Variants in LTF observed in about 807,000 individuals in gnomAD.
LTF encodes the protein epididymis luminal protein 110.
In LTF, 91 loss-of-function variants were observed where a neutral mutation model predicts 87.2. The observed-to-expected ratio is 1.04, with a 90% CI of 0.88 to 1.24. The LOEUF is 1.24. Among genes scored for constraint, LTF ranks in the 50% most tolerant of loss-of-function variants. The pLI is 0.00. For synonymous variants in LTF, 378 were observed against 356.1 expected (o/e 1.06, Z -0.69); for missense variants, 901 against 904.3 (o/e 1.00, Z 0.05).
chr3:46,482,429 C>A (rs1703443885), intron 1 of LTF, among the ~76,000 whole-genome samples: 1 of 148,876 alleles, frequency 6.7e-6, no homozygotes, highest in East Asian at 2.0e-4. Flanking sequence ...GTGATCACAC[C>A]ATTGAACTCC....
Position 46,443,477 on chromosome 3 carries a change from C to T in LTF, c.1619G>A (p.Ser540Asn), listed in dbSNP as rs193150262. The T allele has an allele frequency of 6.3e-5, 102 of 1,614,096 alleles. No homozygotes were observed. Among genetic ancestry groups the T allele is most frequent in the Admixed American group, 1.0e-4 (6 of 60,012 alleles). ...EQGENKCVPNSNERYYGYTGA... is the reference protein window; with the variant it reads ...EQGENKCVPNNNERYYGYTGA... ...AGTGTAGCCGTAGTATCTCTCGTTGCTGTTGGGCACGCACTTATTCTCACC... is the reference window on the plus strand; with the variant it reads ...AGTGTAGCCGTAGTATCTCTCGTTGTTGTTGGGCACGCACTTATTCTCACC... Residue 540 changes from serine (S) to asparagine (N), a missense_variant, in exon 13 of 17, where the codon AGC becomes AAC. Ser to Asn is a conservative substitution (Grantham distance 46). Coordinates refer to ENST00000231751, the MANE Select transcript of LTF (RefSeq NM_002343.6).
At position 46,450,598 on chromosome 3, in the gene LTF, T is replaced by G. The variant is rs764927306; in HGVS notation, c.779A>C (p.Lys260Thr). 1.5e-5 allele frequency: 25 copies of G among 1,614,082 alleles called. No homozygotes were observed. Among genetic ancestry groups the G allele is most frequent in the African/African-American group, 2.7e-5 (2 of 74,940 alleles). Residue 260 changes from lysine (K) to threonine (T), a missense_variant, in exon 7 of 17, where the codon AAG (lysine) becomes ACG (threonine). By Grantham distance (78) the Lys-to-Thr change is moderately conservative (BLOSUM62 -1). Transcript: ENST00000231751. ...CCGGGCCAGATGGCAGTCTTTGAACTTGTCCACTGGCTTCCGAGTGTTGTC... is the reference window on the plus strand; with the variant it reads ...CCGGGCCAGATGGCAGTCTTTGAACGTGTCCACTGGCTTCCGAGTGTTGTC... Reference protein sequence around the residue: ...CPDNTRKPVDKFKDCHLARVP... With the variant: ...CPDNTRKPVDTFKDCHLARVP...
At position 46,450,547 on chromosome 3, in the gene LTF, C is replaced by T. The variant is rs1221410280; in HGVS notation, c.830G>A (p.Arg277Gln). The T allele has an allele frequency of 2.5e-6, 4 of 1,613,986 alleles. No homozygotes were observed. Among genetic ancestry groups the T allele is most frequent in the African/African-American group, 1.3e-5 (1 of 74,918 alleles). Reference protein sequence around the residue: ...ARVPSHAVVARSVNGKEDAIW... With the variant: ...ARVPSHAVVAQSVNGKEDAIW... ...GGCATCCTCCTTGCCATTCACACTT[C>T]GTGCCACAACGGCATGAGAAGGGAC... Residue 277 changes from arginine (R) to glutamine (Q), a missense_variant, in exon 7 of 17, where the codon CGA becomes CAA. Arg to Gln is a conservative substitution (Grantham distance 43). Transcript: ENST00000231751.
chr3:46,437,792 T>G, intron 16 of LTF, 148 bp downstream of exon 16: 1 of 655,602 alleles, frequency 1.5e-6, no homozygotes, highest in Non-Finnish European at 2.6e-6. Context: ...ATTTTATCAA[T>G]GAGATTATAA....
At chr3:46,440,679 A>G (rs1702496061) in intron 14 of LTF, among the ~76,000 whole-genome samples, 1 of 152,212 alleles carries the variant, frequency 6.6e-6, no homozygotes, top group African/African-American at 2.4e-5. Flanking sequence ...GAAGGAGCAG[A>G]AGCAGAAGGG....
At chr3:46,460,483 C>T (rs765445136) in intron 1 of LTF, 4 of 441,954 alleles carry the variant, frequency 9.1e-6, no homozygotes, top group African/African-American at 4.0e-5. Context: ...TTTTTTTGCT[C>T]AAATACTGGT....
rs573243412 is a variant in LTF at position 46,437,517 on chromosome 3, C to A, written c.2098+423G>T. 3.3e-5 allele frequency among the ~76,000 whole-genome samples: 5 copies of A among 152,082 alleles called. No individual in the cohort carries two copies. The East Asian group carries it at 9.7e-4, about 29-fold the overall frequency. ...TAAAATTATTTTTGTAGAACAAGGT[C>A]TCTCTGTGTTGGCCACATTGGTCTC... On this transcript the variant is annotated intron_variant, in intron 16 of 16. Coordinates refer to ENST00000231751, the MANE Select transcript of LTF (RefSeq NM_002343.6).
chr3:46,441,442 T>C lies in LTF; in HGVS notation c.1697A>G (p.Asp566Gly). ...ENAGDVAFVK[D>G]VTVLQNTDGN... is the part of the protein sequence containing the mutation. ...ATCAGTGTTCTGCAAGACAGTGACA[T>C]CTTTCACAAATGCAACGTCTCCAGC... Residue 566 changes from aspartate (D) to glycine (G), a missense_variant, in exon 14 of 17, where the codon GAT becomes GGT. Transcript: ENST00000231751. The C allele has an allele frequency of 6.2e-7, 1 of 1,613,830 alleles. No homozygotes were observed. Among genetic ancestry groups the C allele is most frequent in the Non-Finnish European group, 8.5e-7 (1 of 1,179,898 alleles).
intron 11 of LTF, among the ~76,000 whole-genome samples, chr3:46,446,078 G>A (rs1459884453): frequency 3.3e-5 from 5 of 152,106 alleles, no homozygotes; most frequent in East Asian, 1.9e-4. Context: ...ACGAGGACCC[G>A]GGGTCAAGAC....
chr3:46,450,618 G>A lies in LTF; in HGVS notation c.759C>T (p.Asn253=). ...TGAACTTGTCCACTGGCTTCCGAGTGTTGTCTGGGCAGAGTAACTCATACT... is the reference window on the plus strand; with the variant it reads ...TGAACTTGTCCACTGGCTTCCGAGTATTGTCTGGGCAGAGTAACTCATACT... The part of the protein sequence containing the change: ...RDEYELLCPD[N]TRKPVDKFKD... Residue 253 remains asparagine, a synonymous_variant, in exon 7 of 17, where the codon AAC becomes AAT. Coordinates refer to ENST00000231751, the MANE Select transcript of LTF (RefSeq NM_002343.6). 6.2e-7 allele frequency: 1 copy of A among 1,614,202 alleles called. No homozygotes were observed. Among genetic ancestry groups the A allele is most frequent in the Non-Finnish European group, 8.5e-7 (1 of 1,180,032 alleles).
intron 15 of LTF, among the ~76,000 whole-genome samples, chr3:46,438,436 C>A (rs1702439623): frequency 1.3e-5 from 2 of 152,224 alleles, no homozygotes; most frequent in African/African-American, 4.8e-5. Context: ...GACAAGGCAA[C>A]AATGGAGGGG....
At chr3:46,459,617 A>G (rs754454166) in intron 2 of LTF, 39 bp downstream of exon 2, 1 of 1,374,202 alleles carries the variant, frequency 7.3e-7, no homozygotes, top group Non-Finnish European at 9.5e-7. Flanking sequence ...TCTCCCTTCC[A>G]TTCAGCTTGG....
intron 5 of LTF, among the ~76,000 whole-genome samples, chr3:46,454,795 C>T (rs1013746923): frequency 7.2e-5 from 11 of 152,024 alleles, no homozygotes; most frequent in African/African-American, 2.4e-4. Context: ...TCAGCCTCCG[C>T]GTGGGGGCAG....
chr3:46,484,993 G>A (rs772623035), exon 1 of LTF: 1 of 152,268 alleles, frequency 6.6e-6, no homozygotes, highest in African/African-American at 2.4e-5. Context: ...TACCAGGGCT[G>A]GGGGAATGAG....
intron 1 of LTF, among the ~76,000 whole-genome samples, chr3:46,483,969 C>A (rs1189179583): frequency 6.6e-6 from 1 of 152,116 alleles, no homozygotes; most frequent in Non-Finnish European, 1.5e-5. Flanking sequence ...AAGCCCCCAG[C>A]AGGAAGGCAT....
intron 7 of LTF, 51 bp downstream of exon 7, chr3:46,450,444 C>T: frequency 1.3e-6 from 2 of 1,554,844 alleles, no homozygotes; most frequent in Non-Finnish European, 1.7e-6. Context: ...AGAAACCTTG[C>T]TCCCTGCCCC....
chr3:46,448,816 G>A (rs373272805), intron 9 of LTF, 47 bp downstream of exon 9: 396 of 1,598,344 alleles, frequency 2.5e-4, no homozygotes, highest in Middle Eastern at 5.0e-4. Context: ...CCAGGCCCTA[G>A]GTCTTCCACC....
At chr3:46,439,735 T>A (rs1354325168) in intron 14 of LTF, among the ~76,000 whole-genome samples, 1 of 152,230 alleles carries the variant, frequency 6.6e-6, no homozygotes, top group African/African-American at 2.4e-5. Flanking sequence ...TCCTGCAATA[T>A]GCATGAACCT....
chr3:46,460,329 A>G (rs368969670), intron 1 of LTF, among the ~76,000 whole-genome samples: 3 of 152,328 alleles, frequency 2.0e-5, no homozygotes, highest in East Asian at 3.9e-4. Context: ...GAATGCCAAG[A>G]GAACAGGGGA....
Sources: gnomAD v4.1 joint callset for allele counts (sites outside exome capture counted in the v4.1 genomes callset) on GRCh38, gnomAD v4.1.1 for gene constraint, MANE v1.5 for transcripts, NCBI Gene and HGNC (gene_info 2026-07-23, HGNC 2026-07-21) for gene names.